The following VPS41 variants were observed in gnomAD, a reference collection of about 807,000 sequenced individuals.
The protein encoded by VPS41 is vacuolar protein sorting-associated protein 41 homolog.
VPS41 carries 85 observed loss-of-function variants against 130.9 expected under a neutral mutation model. The ratio of observed to expected loss-of-function variants is 0.65; its 90% CI spans 0.55 to 0.78. The LOEUF is 0.78. Among genes scored for constraint, VPS41 ranks in the 30% least tolerant of loss-of-function variants. VPS41 has a pLI of 0.00. For missense variants in VPS41, 874 were observed against 1,018.7 expected (o/e 0.86, Z 1.93); for synonymous variants, 335 against 332.9 (o/e 1.01, Z -0.07).
At chr7:38,758,195 C>T (rs1357221201) in intron 18 of VPS41, among the ~76,000 whole-genome samples, 159 bp downstream of exon 18, 2 of 152,156 alleles carry the variant, frequency 1.3e-5, no homozygotes, top group East Asian at 1.9e-4. Context: ...ATGTCCTTAT[C>T]GCCTACTCAT....
intron 25 of VPS41, among the ~76,000 whole-genome samples, chr7:38,731,745 A>G (rs745726504): frequency 9.9e-5 from 15 of 151,626 alleles, no homozygotes; most frequent in Non-Finnish European, 1.9e-4. Flanking sequence ...ACTATCTTTC[A>G]TTATTTTGTG....
intron 23 of VPS41, among the ~76,000 whole-genome samples, chr7:38,744,220 A>G (rs1795942461): frequency 6.6e-6 from 1 of 152,182 alleles, no homozygotes; most frequent in Non-Finnish European, 1.5e-5. Context: ...TGGCATTTTA[A>G]TAGTTTAAAG....
intron 2 of VPS41, among the ~76,000 whole-genome samples, chr7:38,879,823 CT>C (rs1786565896): frequency 1.3e-5 from 2 of 151,510 alleles, no homozygotes; most frequent in South Asian, 4.2e-4. Flanking sequence ...TTGGAGACCC[CT>C]GCTGAAATAG....
At chr7:38,761,523 T>C (rs1584380753) in intron 17 of VPS41, among the ~76,000 whole-genome samples, 1 of 151,596 alleles carries the variant, frequency 6.6e-6, no homozygotes, top group Non-Finnish European at 1.5e-5. Flanking sequence ...GACCTTGTGA[T>C]CCGCCCGCCT....
At chr7:38,758,613 T>C (rs1783852742) in intron 17 of VPS41, 132 bp from the exon 18 acceptor site, 5 of 921,950 alleles carry the variant, frequency 5.4e-6, no homozygotes, top group Non-Finnish European at 6.4e-6. Flanking sequence ...ATCTCTAAAA[T>C]GATGTGTCTT....
chr7:38,765,102 T>C (rs1033808345), intron 16 of VPS41, among the ~76,000 whole-genome samples: 1 of 152,174 alleles, frequency 6.6e-6, no homozygotes, highest in African/African-American at 2.4e-5. Flanking sequence ...GAATACTTTA[T>C]TGATTGATTA....
intron 3 of VPS41, among the ~76,000 whole-genome samples, chr7:38,864,503 C>T (rs1257458186): frequency 1.3e-5 from 2 of 152,138 alleles, no homozygotes; most frequent in Admixed American, 6.5e-5. Flanking sequence ...ATTTCATTAT[C>T]AGATTAGATA....
At chr7:38,765,819 G>A in intron 15 of VPS41, 158 bp from the exon 16 acceptor site, 1 of 523,878 alleles carries the variant, frequency 1.9e-6, no homozygotes, top group South Asian at 3.1e-5. Context: ...CGAACATAAA[G>A]ATATTACTGT....
Position 38,726,408 on chromosome 7 carries a change from TAGTC to T in VPS41, c.2485-86_2485-83del, listed in dbSNP as rs1244819122. The T allele has an allele frequency of 7.4e-6, 8 of 1,081,774 alleles. No homozygotes were observed. In the African/African-American group the frequency reaches 1.1e-4, roughly 15 times the overall value. The allele number at this position is 1,081,774 out of a possible 1,614,324, so 67.0% of individuals were successfully genotyped here. A position where few individuals can be genotyped will look rare whatever the true frequency, so the allele number is the denominator to read the frequency against. On this transcript the variant is annotated intron_variant, in intron 28 of 28. Transcript: ENST00000310301. ...ATATTCAGAAACACTAAGGTAGCGT[TAGTC>T]AGGGGGTGGAGAGGAAGTAATAGGA...
chr7:38,904,744 T>C (rs948808087), intron 1 of VPS41, among the ~76,000 whole-genome samples: 4 of 152,214 alleles, frequency 2.6e-5, no homozygotes, highest in Non-Finnish European at 4.4e-5. Context: ...CACATGGGGA[T>C]ATACATGACA....
At chr7:38,796,999 A>AAT in intron 7 of VPS41, 135 bp from the exon 8 acceptor site, 1 of 952,884 alleles carries the variant, frequency 1.0e-6, no homozygotes, top group African/African-American at 1.6e-5. Flanking sequence ...GTAGACTTAC[A>AAT]GTAGTATGTT....
chr7:38,806,140 T>C (rs886082426), intron 7 of VPS41, among the ~76,000 whole-genome samples: 1 of 152,220 alleles, frequency 6.6e-6, no homozygotes, highest in Non-Finnish European at 1.5e-5. Context: ...GAGCATGTGG[T>C]AAAATAGGTA....
At chr7:38,734,537 A>G (rs1795727398) in intron 25 of VPS41, among the ~76,000 whole-genome samples, 1 of 152,202 alleles carries the variant, frequency 6.6e-6, no homozygotes, top group Non-Finnish European at 1.5e-5. Flanking sequence ...GATTTGCCTT[A>G]TCTTCCCCCT....
intron 4 of VPS41, among the ~76,000 whole-genome samples, chr7:38,841,693 T>G (rs1207468443): frequency 6.6e-6 from 1 of 152,210 alleles, no homozygotes; most frequent in East Asian, 1.9e-4. Flanking sequence ...AACCTCCATC[T>G]CCTGGGTTCA....
At chr7:38,728,084 T>A (rs1029676373) in intron 27 of VPS41, among the ~76,000 whole-genome samples, 3 of 152,120 alleles carry the variant, frequency 2.0e-5, no homozygotes, top group African/African-American at 7.2e-5. Flanking sequence ...ACCTATAAAT[T>A]TTTTTTCCCA....
intron 25 of VPS41, among the ~76,000 whole-genome samples, chr7:38,734,381 A>G (rs756805397): frequency 2.0e-5 from 3 of 152,096 alleles, no homozygotes; most frequent in Non-Finnish European, 4.4e-5. Flanking sequence ...TATCAACGTG[A>G]CCTTTACTCT....
rs1244788226 is a variant in VPS41, at chr7:38,754,885, T to C, written c.1737+10A>G. On this transcript the variant is annotated intron_variant, in intron 20 of 28. Transcript: ENST00000310301. ...ATCTGGTAACACATATAAAAACAAA[T>C]GACACTCACTGAAATTTTATCTTCA... The C allele has an allele frequency of 1.2e-6, 2 of 1,613,134 alleles. No individual in the cohort carries two copies. The highest frequency in any genetic ancestry group is 1.7e-6 in the Non-Finnish European group (2 of 1,179,342).
At chr7:38,860,890 T>G (rs1786093503) in intron 4 of VPS41, among the ~76,000 whole-genome samples, 1 of 152,056 alleles carries the variant, frequency 6.6e-6, no homozygotes, top group South Asian at 2.1e-4. Context: ...AAAAACAGAC[T>G]ATCACCTTCT....
intron 1 of VPS41, 80 bp from the exon 2 acceptor site, chr7:38,898,209 T>G: frequency 8.1e-7 from 1 of 1,229,032 alleles, no homozygotes; most frequent in African/African-American, 1.5e-5. Context: ...GTCCTCATGT[T>G]CCTACTACCA....
Sources: allele counts gnomAD v4.1 joint callset (sites outside exome capture counted in the v4.1 genomes callset), GRCh38; gene constraint gnomAD v4.1.1; transcripts MANE v1.5; gene names NCBI Gene and HGNC (gene_info 2026-07-23, HGNC 2026-07-21).